LDLRAD4: variants seen among roughly 807,000 people sequenced by gnomAD.
LDLRAD4 encodes low-density lipoprotein receptor class A domain-containing protein 4.
LDLRAD4 carries 5 observed loss-of-function variants against 17.0 expected under a neutral mutation model. The observed-to-expected ratio is 0.29, with a 90% CI of 0.15 to 0.62. LDLRAD4 has a LOEUF of 0.62. LDLRAD4 is among the 20% of genes least tolerant of loss of function. LDLRAD4 has a pLI of 0.84. For missense variants in LDLRAD4, 340 were observed against 424.7 expected (o/e 0.80, Z 1.75); for synonymous variants, 168 against 171.8 (o/e 0.98, Z 0.17).
At chr18:13,262,576 G>A (rs1401175493) in intron 1 of LDLRAD4, among the ~76,000 whole-genome samples, 1 of 112,552 alleles carries the variant, frequency 8.9e-6, no homozygotes, top group African/African-American at 4.0e-5. Context: ...AGTCCCGTGC[G>A]GCTCCGTGCG....
At chr18:13,505,240 A>T (rs890474) in intron 3 of LDLRAD4, among the ~76,000 whole-genome samples, 10 of 152,150 alleles carry the variant, frequency 6.6e-5, no homozygotes, top group African/African-American at 1.7e-4. Flanking sequence ...CAATAGGAAC[A>T]GAACTAAGCA....
intron 1 of LDLRAD4, among the ~76,000 whole-genome samples, chr18:13,323,936 C>CA (rs11384097): frequency 0.96 from 145,696 of 151,868 alleles, 70,153 homozygotes; most frequent in Non-Finnish European, 1. Context: ...TGTGGTGTCA[C>CA]TGCCTCTAGT....
intron 1 of LDLRAD4, among the ~76,000 whole-genome samples, chr18:13,249,927 C>T (rs760619985): frequency 3.7e-4 from 56 of 152,186 alleles, no homozygotes; most frequent in East Asian, 7.7e-4. Context: ...TTTTTGTATA[C>T]GGTGACAGGT....
chr18:13,622,660 G>A lies in LDLRAD4; in HGVS notation c.336+1389G>A, dbSNP rs942812439. ...TTTGGCATCCTGATGCCTGTAGATT[G>A]TTGGACAGAGGGAGGACTAATTCTT... On this transcript the variant is annotated intron_variant, in intron 4 of 5. Transcript: ENST00000359446. This position sits in a 1 kb window ranked among gnomAD's most constrained non-coding sequence, Gnocchi z 5.3. Among the ~76,000 whole-genome samples the A allele has an allele frequency of 1.3e-5, 2 of 152,194 alleles. No homozygotes were observed. Among genetic ancestry groups the A allele is most frequent in the African/African-American group, 4.8e-5 (2 of 41,438 alleles).
intron 3 of LDLRAD4, among the ~76,000 whole-genome samples, chr18:13,566,487 C>T (rs988894457): frequency 6.6e-6 from 1 of 151,824 alleles, no homozygotes; most frequent in Non-Finnish European, 1.5e-5. Context: ...CTCAGCCTCT[C>T]GAGTAGCTGG....
intron 1 of LDLRAD4, among the ~76,000 whole-genome samples, chr18:13,285,658 G>A (rs1381661721): frequency 1.3e-5 from 2 of 152,182 alleles, no homozygotes; most frequent in Non-Finnish European, 2.9e-5. Flanking sequence ...CGCTTTAACA[G>A]TTTCCCTCTT....
intron 1 of LDLRAD4, among the ~76,000 whole-genome samples, chr18:13,340,702 G>T (rs1050056576): frequency 6.6e-6 from 1 of 152,066 alleles, no homozygotes; most frequent in African/African-American, 2.4e-5. Flanking sequence ...TTCTTGATAT[G>T]TCTTTGGATG....
At chr18:13,611,790 G>A (rs1035183962) in intron 3 of LDLRAD4, 2 of 985,712 alleles carry the variant, frequency 2.0e-6, no homozygotes, top group African/African-American at 1.7e-5. Context: ...GGAAGAGCGA[G>A]CCGGGGGGAA....
intron 3 of LDLRAD4, among the ~76,000 whole-genome samples, chr18:13,458,944 G>C (rs2146519541): frequency 6.6e-6 from 1 of 152,342 alleles, no homozygotes; most frequent in South Asian, 2.1e-4. Flanking sequence ...AAGGAACACA[G>C]CTCTGCCACC....
chr18:13,625,457 A>G (rs1055331638), intron 4 of LDLRAD4, among the ~76,000 whole-genome samples: 24 of 152,082 alleles, frequency 1.6e-4, no homozygotes, highest in African/African-American at 4.8e-4. Context: ...CGCCTCCTCT[A>G]CAGGTTTTCC....
intron 1 of LDLRAD4, among the ~76,000 whole-genome samples, chr18:13,298,452 T>A (rs1313346242): frequency 2.1e-5 from 3 of 141,872 alleles, no homozygotes; most frequent in Non-Finnish European, 4.6e-5. Flanking sequence ...GGCACGGCAA[T>A]TTTGCTGCTC....
At chr18:13,262,397 G>A in intron 1 of LDLRAD4, among the ~76,000 whole-genome samples, 1 of 136,522 alleles carries the variant, frequency 7.3e-6, no homozygotes, top group Non-Finnish European at 1.5e-5. Flanking sequence ...GTCCCGTGTG[G>A]CTCTGTGCGT....
intron 3 of LDLRAD4, among the ~76,000 whole-genome samples, chr18:13,530,603 G>A (rs1222163266): frequency 6.6e-6 from 1 of 152,238 alleles, no homozygotes; most frequent in Non-Finnish European, 1.5e-5. Flanking sequence ...CGGCAGGGTG[G>A]GGTCCGCTGG....
chr18:13,549,434 G>T (rs550365705), intron 3 of LDLRAD4, among the ~76,000 whole-genome samples: 1 of 152,028 alleles, frequency 6.6e-6, no homozygotes, highest in Non-Finnish European at 1.5e-5. Context: ...GGAAGGTACT[G>T]GGGATGTCCA....
chr18:13,443,619 T>G (rs2091180489), intron 3 of LDLRAD4, among the ~76,000 whole-genome samples: 1 of 152,204 alleles, frequency 6.6e-6, no homozygotes, highest in Non-Finnish European at 1.5e-5. Context: ...GCATCGTAGA[T>G]CGCTTTGCTC....
chr18:13,515,029 CTTTT>C (rs1239580739), intron 3 of LDLRAD4: 1 of 152,162 alleles, frequency 6.6e-6, no homozygotes, highest in Non-Finnish European at 1.5e-5. Context: ...GGGTGGGCAA[CTTTT>C]TTTCTTTGTG....
intron 3 of LDLRAD4, among the ~76,000 whole-genome samples, chr18:13,458,382 G>T (rs1002833831): frequency 3.3e-5 from 5 of 152,226 alleles, no homozygotes; most frequent in Admixed American, 2.0e-4. Context: ...TCTTCTGTGC[G>T]TAAATCTTTC....
At chr18:13,236,161 A>T (rs747721777) in intron 1 of LDLRAD4, among the ~76,000 whole-genome samples, 3 of 152,204 alleles carry the variant, frequency 2.0e-5, no homozygotes, top group Non-Finnish European at 4.4e-5. Context: ...GAGTGGTTCC[A>T]TCTGGCACCC....
chr18:13,412,999 C>G (rs1471884383), intron 2 of LDLRAD4, among the ~76,000 whole-genome samples: 1 of 152,198 alleles, frequency 6.6e-6, no homozygotes, highest in Non-Finnish European at 1.5e-5. Context: ...TGTGACCTGA[C>G]AGGATCACAG....
Sources: allele counts gnomAD v4.1 joint callset (sites outside exome capture counted in the v4.1 genomes callset), GRCh38; gene constraint gnomAD v4.1.1; non-coding constraint Gnocchi (gnomAD v3.1); transcripts MANE v1.5; gene names NCBI Gene and HGNC (gene_info 2026-07-23, HGNC 2026-07-21).